Variants in ZBTB7C observed in about 807,000 individuals in gnomAD.
ZBTB7C encodes the protein zinc finger and BTB domain-containing protein 7C.
A neutral mutation model predicts 25.7 loss-of-function variants in ZBTB7C; 8 were observed. The observed-to-expected ratio is 0.31, with a 90% CI of 0.18 to 0.56. The LOEUF is 0.56. ZBTB7C is among the 20% of genes least tolerant of loss of function. The pLI is 0.91. For missense variants in ZBTB7C, 824 were observed against 855.2 expected (o/e 0.96, Z 0.46); for synonymous variants, 394 against 369.0 (o/e 1.07, Z -0.78).
intron 1 of ZBTB7C, among the ~76,000 whole-genome samples, chr18:48,376,931 C>T (rs1262510678): frequency 6.6e-6 from 1 of 152,246 alleles, no homozygotes; most frequent in African/African-American, 2.4e-5. Context: ...TAGGTAGTAA[C>T]ACCTCCATCC....
intron 1 of ZBTB7C, among the ~76,000 whole-genome samples, chr18:48,357,926 AGCGT>A (rs2047013178): frequency 6.6e-6 from 1 of 152,174 alleles, no homozygotes; most frequent in South Asian, 2.1e-4. Flanking sequence ...TGTAATCCCC[AGCGT>A]TGGAGGTGAG....
intron 3 of ZBTB7C, among the ~76,000 whole-genome samples, chr18:48,108,974 G>A (rs143935647): frequency 2.6e-5 from 4 of 152,040 alleles, no homozygotes; most frequent in Non-Finnish European, 5.9e-5. Context: ...GGTAAGGAAG[G>A]GGGGCTCTGA....
At chr18:48,401,446 T>C (rs745783441) in intron 1 of ZBTB7C, among the ~76,000 whole-genome samples, 51 of 152,290 alleles carry the variant, frequency 3.3e-4, no homozygotes, top group Non-Finnish European at 6.8e-4. Flanking sequence ...AGGAAACTGA[T>C]ACTCAGAGAG....
intron 3 of ZBTB7C, among the ~76,000 whole-genome samples, chr18:48,108,348 A>T (rs1203453049): frequency 6.6e-6 from 1 of 152,070 alleles, no homozygotes; most frequent in African/African-American, 2.4e-5. Context: ...GAGTGGGAGG[A>T]TCAGCAGCGA....
chr18:48,210,694 G>T (rs11877748), intron 2 of ZBTB7C, among the ~76,000 whole-genome samples: 18,502 of 151,648 alleles, frequency 0.12, 1,509 homozygotes, highest in Non-Finnish European at 0.18. Context: ...TAATGGGTAC[G>T]AGGTGTCTCC....
chr18:48,339,772 G>A (rs532311954), intron 1 of ZBTB7C, among the ~76,000 whole-genome samples: 30 of 152,238 alleles, frequency 2.0e-4, no homozygotes, highest in Middle Eastern at 3.4e-3. Flanking sequence ...TAGGAGGGTC[G>A]AAGAGGAGAA....
intron 2 of ZBTB7C, among the ~76,000 whole-genome samples, chr18:48,331,084 G>A (rs1330181086): frequency 1.3e-5 from 2 of 151,962 alleles, no homozygotes; most frequent in South Asian, 2.1e-4. Flanking sequence ...CATTTGTCCC[G>A]GGGGCCAGAA....
At chr18:48,276,280 T>TC (rs2044649150) in intron 2 of ZBTB7C, among the ~76,000 whole-genome samples, 1 of 149,284 alleles carries the variant, frequency 6.7e-6, no homozygotes, top group Non-Finnish European at 1.5e-5. Flanking sequence ...CTCTCTTTTT[T>TC]TTTTTTTCTA....
chr18:48,274,568 A>G (rs1300182282), intron 2 of ZBTB7C, among the ~76,000 whole-genome samples: 1 of 152,080 alleles, frequency 6.6e-6, no homozygotes, highest in Non-Finnish European at 1.5e-5. Flanking sequence ...TATTTTCATA[A>G]ATGCTGCATT....
chr18:48,178,461 T>C (rs774987331), intron 3 of ZBTB7C, among the ~76,000 whole-genome samples: 16 of 152,238 alleles, frequency 1.1e-4, no homozygotes, highest in Non-Finnish European at 1.9e-4. Context: ...GTGAGAAGCA[T>C]TACAAGAAGG....
At chr18:48,339,217 G>C (rs961462534) in intron 1 of ZBTB7C, among the ~76,000 whole-genome samples, 2 of 152,214 alleles carry the variant, frequency 1.3e-5, no homozygotes, top group African/African-American at 4.8e-5. Context: ...CCATCTCTTG[G>C]GGGTGAAAAG....
At chr18:48,286,159 C>A (rs2045044353) in intron 2 of ZBTB7C, among the ~76,000 whole-genome samples, 4 of 152,048 alleles carry the variant, frequency 2.6e-5, no homozygotes, top group Admixed American at 2.6e-4. Context: ...TGGTTTGAAG[C>A]CCAGCCTCAA....
intron 3 of ZBTB7C, among the ~76,000 whole-genome samples, chr18:48,121,556 G>A (rs1015417339): frequency 6.6e-5 from 10 of 152,260 alleles, no homozygotes; most frequent in African/African-American, 2.2e-4. Flanking sequence ...CCTCCCATTG[G>A]TACATACCTG....
At chr18:48,378,321 CA>C (rs1199683832) in intron 1 of ZBTB7C, among the ~76,000 whole-genome samples, 3 of 152,144 alleles carry the variant, frequency 2.0e-5, no homozygotes, top group African/African-American at 7.2e-5. Flanking sequence ...ACACTGAAAA[CA>C]GGGGGATTAA....
chr18:48,136,948 T>TGG, intron 3 of ZBTB7C: 4 of 842,082 alleles, frequency 4.8e-6, no homozygotes, highest in Non-Finnish European at 5.7e-6. Context: ...GCCCGGCCGC[T>TGG]GGGCTCCCCA....
chr18:48,180,675 G>A (rs567787763), intron 3 of ZBTB7C, among the ~76,000 whole-genome samples: 7 of 152,300 alleles, frequency 4.6e-5, no homozygotes, highest in Admixed American at 2.6e-4. Flanking sequence ...TGTATATACA[G>A]CTAGCAACAC....
rs553606716 is a variant in ZBTB7C, at chr18:48,060,955, C to T, written c.-16-19832G>A. Among the ~76,000 whole-genome samples, 82 of 152,116 alleles carry T rather than the reference C, an allele frequency of 5.4e-4. 3 individuals carry two copies. Among genetic ancestry groups the T allele is most frequent in the Middle Eastern group, 3.4e-3 (1 of 294 alleles). On this transcript the variant is annotated intron_variant, in intron 3 of 4. Coordinates refer to ENST00000590800, the MANE Select transcript of ZBTB7C (RefSeq NM_001318841.2). ...GGAATGGAGAGAAACCCAGTCGCATCCAACCCCAGCTGCTTGAAAAGTGGT... is the reference window on the plus strand; with the variant it reads ...GGAATGGAGAGAAACCCAGTCGCATTCAACCCCAGCTGCTTGAAAAGTGGT...
intron 3 of ZBTB7C, among the ~76,000 whole-genome samples, chr18:48,162,642 C>G (rs1267583381): frequency 6.6e-6 from 1 of 152,190 alleles, no homozygotes; most frequent in Non-Finnish European, 1.5e-5. Flanking sequence ...AATCCTGGCC[C>G]TGTCACTTCA....
chr18:48,260,421 T>C (rs2044138672), intron 2 of ZBTB7C, among the ~76,000 whole-genome samples: 1 of 152,232 alleles, frequency 6.6e-6, no homozygotes, highest in Non-Finnish European at 1.5e-5. Context: ...ATTATTTTGA[T>C]GTGGTGATGA....
Sources: gnomAD v4.1 joint callset for allele counts (sites outside exome capture counted in the v4.1 genomes callset) on GRCh38, gnomAD v4.1.1 for gene constraint, MANE v1.5 for transcripts, NCBI Gene and HGNC (gene_info 2026-07-23, HGNC 2026-07-21) for gene names.